GRIN2B: variants seen among roughly 807,000 people sequenced by gnomAD.
The protein encoded by GRIN2B is glutamate ionotropic receptor NMDA type subunit 2B, also known as glutamate receptor ionotropic, NMDA 2B.
GRIN2B carries 5 observed loss-of-function variants against 114.5 expected under a neutral mutation model. That is an observed-to-expected ratio of 0.04 (90% CI 0.02 to 0.09). The LOEUF (loss-of-function observed/expected upper bound fraction) is 0.09, where lower values mean the gene tolerates loss of function less well. GRIN2B is among the 10% of genes least tolerant of loss of function. The probability of loss-of-function intolerance (pLI) is 1.00; values close to 1 mark genes in which losing one functional copy is unlikely to be tolerated. For synonymous variants in GRIN2B, 787 were observed against 745.1 expected, an observed-to-expected ratio of 1.06 and a Z score of -0.92; for missense variants, 1,108 against 1,943.5, an observed-to-expected ratio of 0.57 and a Z score of 8.08.
chr12:13,637,517 G>T (rs570023234), intron 5 of GRIN2B, among the ~76,000 whole-genome samples: 1 of 152,106 alleles, frequency 6.6e-6, no homozygotes, highest in Non-Finnish European at 1.5e-5. Flanking sequence ...CACCAGTAAA[G>T]GTTTTGGCAC....
chr12:13,562,658 ATAAAT>A lies in GRIN2B; in HGVS notation c.*120_*124del, dbSNP rs1948560559. The A allele has an allele frequency of 1.3e-5, 11 of 853,526 alleles. No individual in the cohort carries two copies. Among genetic ancestry groups the A allele is most frequent in the Admixed American group, 5.5e-5 (3 of 54,900 alleles). 52.9% of individuals were successfully genotyped at this position (853,526 alleles called of 1,614,324 possible). A position where few individuals can be genotyped will look rare whatever the true frequency, so the allele number is the denominator to read the frequency against. Reference sequence around the variant, plus strand: ...GAACCAGAACTCCAGGATCCCATAAATAAATTAAAACAAGAAAGGAGCAAATGGGA... The same window carrying A: ...GAACCAGAACTCCAGGATCCCATAAATAAAACAAGAAAGGAGCAAATGGGA... On this transcript the variant is annotated 3_prime_UTR_variant, in exon 14 of 14. Transcript: ENST00000609686.
At chr12:13,816,987 G>T (rs901865733) in intron 3 of GRIN2B, among the ~76,000 whole-genome samples, 1 of 152,038 alleles carries the variant, frequency 6.6e-6, no homozygotes, top group African/African-American at 2.4e-5. Context: ...ATTTTCTTTT[G>T]TCTGCCTGGA....
chr12:13,614,327 C>T (rs1370790511), intron 8 of GRIN2B, among the ~76,000 whole-genome samples: 1 of 152,168 alleles, frequency 6.6e-6, no homozygotes, highest in African/African-American at 2.4e-5. Flanking sequence ...GACGGTGACT[C>T]GTCCAGGGGC....
rs1948557413 is a variant in GRIN2B at position 13,562,461 on chromosome 12, C to T, written c.*322G>A. The T allele has an allele frequency of 8.5e-6, 3 of 353,614 alleles. No homozygotes were observed. The highest frequency in any genetic ancestry group is 2.1e-5 in the African/African-American group (1 of 48,608). The allele number at this position is 353,614 out of a possible 1,614,324, so 21.9% of individuals were successfully genotyped here. A position where few individuals can be genotyped will look rare whatever the true frequency, so the allele number is the denominator to read the frequency against. On this transcript the variant is annotated 3_prime_UTR_variant, in exon 14 of 14. Transcript: ENST00000609686. ...AAGAGGATATCAAGGAGCTCTTCCACACCAGGAGGAAGCCCGCATGCAGCC... is the reference window on the plus strand; with the variant it reads ...AAGAGGATATCAAGGAGCTCTTCCATACCAGGAGGAAGCCCGCATGCAGCC...
intron 4 of GRIN2B, among the ~76,000 whole-genome samples, chr12:13,733,790 C>CA (rs1565517434): frequency 6.6e-6 from 1 of 152,076 alleles, no homozygotes; most frequent in African/African-American, 2.4e-5. Flanking sequence ...CTCATATAAT[C>CA]AAAAAATCAA....
Position 13,746,326 on chromosome 12 carries a change from C to A in GRIN2B, c.1010+6991G>T, listed in dbSNP as rs938196786. Among the ~76,000 whole-genome samples the A allele has an allele frequency of 4.7e-4, 72 of 152,106 alleles. 1 individual carries two copies. The highest frequency in any genetic ancestry group is 1.7e-3 in the African/African-American group (71 of 41,416). ...GGCTGATTTAAATATATACCTATGA[C>A]CCGCTTTTTAACCCATGCCATTGTC... is the stretch of plus-strand genomic sequence containing the variant. On this transcript the variant is annotated intron_variant, in intron 4 of 13. Coordinates refer to ENST00000609686, the MANE Select transcript of GRIN2B (RefSeq NM_000834.5).
chr12:13,699,084 G>A lies in GRIN2B; in HGVS notation c.1011-23225C>T, dbSNP rs369020651. On this transcript the variant is annotated intron_variant, in intron 4 of 13. Transcript: ENST00000609686. ...ATAAAAATTAGGCACATGCTATGAT[G>A]ACAACTATATAAAAGTAAGCATGCA... Among the ~76,000 whole-genome samples the A allele has an allele frequency of 5.0e-4, 76 of 152,282 alleles. 1 individual carries two copies. Among genetic ancestry groups the A allele is most frequent in the African/African-American group, 1.8e-3 (73 of 41,564 alleles).
At chr12:13,623,453 A>G (rs1949537580) in intron 5 of GRIN2B, among the ~76,000 whole-genome samples, 2 of 152,224 alleles carry the variant, frequency 1.3e-5, no homozygotes, top group Non-Finnish European at 2.9e-5. Context: ...TCTCACCAGC[A>G]CTAAGTTTTT....
chr12:13,852,539 AT>A (rs1478123628), intron 3 of GRIN2B, among the ~76,000 whole-genome samples: 1 of 152,128 alleles, frequency 6.6e-6, no homozygotes, highest in Non-Finnish European at 1.5e-5. Flanking sequence ...TTTAAGAGGA[AT>A]TTGTCTTTCA....
chr12:13,855,268 C>CA (rs1161104042), intron 3 of GRIN2B, among the ~76,000 whole-genome samples: 2 of 151,844 alleles, frequency 1.3e-5, no homozygotes, highest in African/African-American at 4.8e-5. Flanking sequence ...AGTGAGAGAG[C>CA]AAAAGCTCTA....
At chr12:13,584,262 C>T (rs1441858742) in intron 10 of GRIN2B, among the ~76,000 whole-genome samples, 1 of 152,134 alleles carries the variant, frequency 6.6e-6, no homozygotes, top group Non-Finnish European at 1.5e-5. Context: ...TATATTGATC[C>T]CTCACTAACT....
rs1256620333 is a variant in GRIN2B at position 13,547,782 on chromosome 12, G to A, written c.*15001C>T. On this transcript the variant is annotated 3_prime_UTR_variant, in exon 14 of 14. Transcript: ENST00000609686. Reference sequence around the variant, plus strand: ...ATACTCCAACTTCCCTGATTCTTTTGGAAGTTATTGGGCATCTGCATTTTC... The same window carrying A: ...ATACTCCAACTTCCCTGATTCTTTTAGAAGTTATTGGGCATCTGCATTTTC... 1 of 151,492 alleles carries A rather than the reference G, an allele frequency of 6.6e-6. No individual in the cohort carries two copies. Among genetic ancestry groups the A allele is most frequent in the Non-Finnish European group, 1.5e-5 (1 of 67,882 alleles). The allele number at this position is 151,492 out of a possible 1,614,324, so 9.4% of individuals were successfully genotyped here. A position where few individuals can be genotyped will look rare whatever the true frequency, so the allele number is the denominator to read the frequency against.
At chr12:13,783,919 T>C (rs146562667) in intron 3 of GRIN2B, among the ~76,000 whole-genome samples, 100 of 152,094 alleles carry the variant, frequency 6.6e-4, no homozygotes, top group African/African-American at 2.3e-3. Context: ...ATTGAATGTA[T>C]ACCTAATAAA....
intron 3 of GRIN2B, among the ~76,000 whole-genome samples, chr12:13,799,652 A>T (rs971981797): frequency 6.6e-6 from 1 of 152,060 alleles, no homozygotes; most frequent in African/African-American, 2.4e-5. Flanking sequence ...GGGTCTATTT[A>T]AAATCCTCCG....
intron 5 of GRIN2B, among the ~76,000 whole-genome samples, chr12:13,637,591 T>C (rs1486219438): frequency 1.3e-5 from 2 of 152,084 alleles, no homozygotes; most frequent in African/African-American, 4.8e-5. Flanking sequence ...AAATAGTCCA[T>C]GGAGTAGTCA....
intron 10 of GRIN2B, among the ~76,000 whole-genome samples, chr12:13,576,301 T>C (rs974925779): frequency 1.3e-5 from 2 of 152,154 alleles, no homozygotes; most frequent in African/African-American, 4.8e-5. Flanking sequence ...TAATAAAACT[T>C]ACCCCAAGCT....
chr12:13,636,315 G>A (rs1949665247), intron 5 of GRIN2B, among the ~76,000 whole-genome samples: 1 of 152,172 alleles, frequency 6.6e-6, no homozygotes, highest in Non-Finnish European at 1.5e-5. Context: ...GAGATAGGGA[G>A]GACACAGACC....
In GRIN2B at chr12:13,933,615, T is replaced by C. The variant is rs574790744; in HGVS notation, c.-19+46313A>G. The stretch of plus-strand genomic sequence containing the variant: ...TGCTGGTACCTCTGCAAGAAGGGTA[T>C]CAGGTATCAGCCAAAGCAGCTAAGA... On this transcript the variant is annotated intron_variant, in intron 2 of 13. Transcript: ENST00000609686. 2.0e-5 allele frequency among the ~76,000 whole-genome samples: 3 copies of C among 152,232 alleles called. No homozygotes were observed. In the South Asian group the frequency reaches 6.2e-4, roughly 32 times the overall value.
At chr12:13,858,783 T>C (rs1004866534) in intron 3 of GRIN2B, among the ~76,000 whole-genome samples, 3 of 152,214 alleles carry the variant, frequency 2.0e-5, no homozygotes, top group African/African-American at 7.2e-5. Flanking sequence ...TTATATCCTA[T>C]GTGTATCAGT....
Sources: allele counts gnomAD v4.1 joint callset (sites outside exome capture counted in the v4.1 genomes callset), GRCh38; gene constraint gnomAD v4.1.1; transcripts MANE v1.5; gene names NCBI Gene and HGNC (gene_info 2026-07-23, HGNC 2026-07-21).